CYRIB: variants seen among roughly 807,000 people sequenced by gnomAD.
The protein encoded by CYRIB is CYFIP related Rac1 interactor B.
Under a neutral mutation model 44.2 loss-of-function variants are expected in CYRIB, and 8 were observed. The observed-to-expected ratio is 0.18, with a 90% CI of 0.11 to 0.33. The LOEUF (loss-of-function observed/expected upper bound fraction) is 0.33. Ranked by LOEUF, CYRIB falls within the 10% of genes least tolerant of loss-of-function variation. The probability of loss-of-function intolerance (pLI) is 1.00; values close to 1 mark genes in which losing one functional copy is unlikely to be tolerated. For synonymous variants in CYRIB, 131 were observed against 127.2 expected, an observed-to-expected ratio of 1.03 and a Z score of -0.20; for missense variants, 185 against 382.8, an observed-to-expected ratio of 0.48 and a Z score of 4.31.
intron 1 of CYRIB, among the ~76,000 whole-genome samples, chr8:129,928,545 A>G (rs1202186707): frequency 6.6e-6 from 1 of 152,110 alleles, no homozygotes; most frequent in Non-Finnish European, 1.5e-5. Flanking sequence ...CTGTAGTCCC[A>G]GCCCTTTGGG....
intron 1 of CYRIB, among the ~76,000 whole-genome samples, chr8:129,986,656 G>A (rs866660941): frequency 1.3e-5 from 2 of 152,094 alleles, no homozygotes; most frequent in African/African-American, 2.4e-5. Context: ...GCACAGCCTC[G>A]GGAATTTGCA....
At position 129,981,415 on chromosome 8, in the gene CYRIB, C is replaced by A. The variant is rs570914343; in HGVS notation, c.-295-10420G>T. ...ATCTGCCAACCTCAGCCGCCCGAAG[C>A]GCTGTGATTACAGGTGTGAGCCACT... On this transcript the variant is annotated intron_variant, in intron 1 of 14. Coordinates refer to the CYRIB transcript ENST00000401979. Among the ~76,000 whole-genome samples the A allele has an allele frequency of 1.8e-4, 28 of 152,184 alleles. 1 individual carries two copies. The highest frequency in any genetic ancestry group is 3.2e-4 in the Non-Finnish European group (22 of 68,038).
chr8:129,940,011 T>G (rs1590659303), upstream of CYRIB: 1 of 151,782 alleles, frequency 6.6e-6, no homozygotes. Flanking sequence ...GGGCGCGGCG[T>G]GCAGAGGAAG....
chr8:129,882,817 C>T (rs1031667130), intron 2 of CYRIB, among the ~76,000 whole-genome samples: 7 of 152,082 alleles, frequency 4.6e-5, no homozygotes, highest in African/African-American at 1.7e-4. Context: ...ATGACCACTA[C>T]CATCAGACTT....
chr8:129,930,363 G>GC (rs1312438542), intron 1 of CYRIB, among the ~76,000 whole-genome samples: 1,255 of 3,602 alleles, frequency 0.35, 45 homozygotes, highest in Middle Eastern at 0.5. Context: ...ATTGTGAAGT[G>GC]CTTATATATA....
At chr8:129,886,501 TCCCA>T (rs2062801889) in intron 2 of CYRIB, among the ~76,000 whole-genome samples, 1 of 152,098 alleles carries the variant, frequency 6.6e-6, no homozygotes, top group African/African-American at 2.4e-5. Flanking sequence ...CCTCACCAGC[TCCCA>T]CCCTATTCCC....
At chr8:129,892,199 G>C (rs1212648428) in intron 2 of CYRIB, among the ~76,000 whole-genome samples, 1 of 152,154 alleles carries the variant, frequency 6.6e-6, no homozygotes, top group Non-Finnish European at 1.5e-5. Flanking sequence ...AGAAGGGCTA[G>C]TACAAAGGCT....
At chr8:129,920,235 T>C (rs1229462491) in intron 1 of CYRIB, among the ~76,000 whole-genome samples, 2 of 152,144 alleles carry the variant, frequency 1.3e-5, no homozygotes, top group East Asian at 1.9e-4. Flanking sequence ...GTCTATCTTC[T>C]CCTCTTTTAA....
At chr8:129,996,651 T>A (rs1362613952) in intron 1 of CYRIB, among the ~76,000 whole-genome samples, 3 of 152,138 alleles carry the variant, frequency 2.0e-5, no homozygotes, top group Non-Finnish European at 4.4e-5. Flanking sequence ...ACTAGCTGGG[T>A]CTCTGCACTC....
exon 8 of CYRIB, chr8:129,852,209 G>A: frequency 2.5e-6 from 4 of 1,571,020 alleles, no homozygotes; most frequent in Non-Finnish European, 3.5e-6. Context: ...TTCAGCATTG[G>A]AGTTGCCTCA....
chr8:129,951,583 G>A (rs113171376), intron 2 of CYRIB, among the ~76,000 whole-genome samples: 4,410 of 152,000 alleles, frequency 0.029, 212 homozygotes, highest in African/African-American at 0.1. Flanking sequence ...GCACGTGCCT[G>A]TAATCCCAGC....
intron 3 of CYRIB, among the ~76,000 whole-genome samples, chr8:129,876,558 A>G (rs1468191326): frequency 6.6e-6 from 1 of 152,238 alleles, no homozygotes; most frequent in Admixed American, 6.5e-5. Context: ...TCATGAGAGG[A>G]GTAAATTAAA....
At chr8:129,954,528 TTTTA>T (rs1480543428) in intron 2 of CYRIB, among the ~76,000 whole-genome samples, 13 of 152,086 alleles carry the variant, frequency 8.5e-5, no homozygotes, top group Non-Finnish European at 7.4e-5. Flanking sequence ...TGGCCTAGTT[TTTTA>T]ATTTAATAGG....
At chr8:129,913,660 T>C (rs538026374) in intron 1 of CYRIB, among the ~76,000 whole-genome samples, 1 of 152,202 alleles carries the variant, frequency 6.6e-6, no homozygotes, top group Non-Finnish European at 1.5e-5. Context: ...GCGCTTTGAG[T>C]AGCACTAGTA....
At chr8:129,975,846 C>T (rs1033463685) in intron 1 of CYRIB, among the ~76,000 whole-genome samples, 1 of 152,074 alleles carries the variant, frequency 6.6e-6, no homozygotes. Context: ...CAGCCGGGTC[C>T]CCACTCTGCA....
chr8:129,855,539 CG>C, intron 6 of CYRIB, 71 bp downstream of exon 8: 1 of 1,476,820 alleles, frequency 6.8e-7, no homozygotes, highest in Non-Finnish European at 9.4e-7. Flanking sequence ...CAATGTTTCC[CG>C]GCTCTTCCTC....
Position 129,973,386 on chromosome 8 carries a change from G to A in CYRIB, c.-295-2391C>T, listed in dbSNP as rs181813571. ...CTGGTCCATTCAGTTAAGCACAGGA[G>A]GTGGAAGAGGGATGGGCCTCGGTAT... On this transcript the variant is annotated intron_variant, in intron 1 of 14. Coordinates refer to the CYRIB transcript ENST00000401979. Among the ~76,000 whole-genome samples the A allele has an allele frequency of 1.5e-4, 23 of 152,354 alleles. 1 individual carries two copies. The East Asian group carries it at 4.4e-3, about 29-fold the overall frequency.
intron 2 of CYRIB, among the ~76,000 whole-genome samples, chr8:129,964,176 A>G (rs2095384377): frequency 6.6e-6 from 1 of 152,260 alleles, no homozygotes; most frequent in Admixed American, 6.5e-5. Context: ...TTAAGTGAAC[A>G]GAAGCTGGTG....
chr8:129,859,740 T>A (rs1206110849), intron 5 of CYRIB, among the ~76,000 whole-genome samples: 1 of 152,244 alleles, frequency 6.6e-6, no homozygotes, highest in Non-Finnish European at 1.5e-5. Context: ...CGAGGATTAT[T>A]ATAATATTGG....
Sources: gnomAD v4.1 joint callset for allele counts (sites outside exome capture counted in the v4.1 genomes callset) on GRCh38, gnomAD v4.1.1 for gene constraint, MANE v1.5 for transcripts, NCBI Gene and HGNC (gene_info 2026-07-23, HGNC 2026-07-21) for gene names.